Variants in WASF2 observed in about 807,000 individuals in gnomAD.
WASF2 encodes the protein WASP family member 2.
A neutral mutation model predicts 45.0 loss-of-function variants in WASF2; 14 were observed. The ratio of observed to expected loss-of-function variants is 0.31; its 90% CI spans 0.21 to 0.49. The LOEUF is 0.49. Among genes scored for constraint, WASF2 ranks in the 20% least tolerant of loss-of-function variants. WASF2 has a pLI of 0.99. For missense variants in WASF2, 439 were observed against 636.1 expected, an observed-to-expected ratio of 0.69 and a Z score of 3.33; for synonymous variants, 200 against 236.3, an observed-to-expected ratio of 0.85 and a Z score of 1.41.
At chr1:27,433,747 T>G (rs1004755927) in intron 1 of WASF2, among the ~76,000 whole-genome samples, 3 of 152,220 alleles carry the variant, frequency 2.0e-5, no homozygotes, top group Non-Finnish European at 2.9e-5. Context: ...CACCGGCTGC[T>G]CTCTTTAGTT....
intron 1 of WASF2, among the ~76,000 whole-genome samples, chr1:27,479,618 A>G (rs998728728): frequency 3.5e-4 from 53 of 152,256 alleles, no homozygotes; most frequent in Non-Finnish European, 7.5e-4. Flanking sequence ...TAATCCCAGC[A>G]CTTTGGGAGG....
At chr1:27,476,912 CAG>C in intron 1 of WASF2, among the ~76,000 whole-genome samples, 1 of 152,254 alleles carries the variant, frequency 6.6e-6, no homozygotes, top group East Asian at 1.9e-4. Context: ...TAAGGTAATT[CAG>C]TGACAGAAAA....
intron 1 of WASF2, among the ~76,000 whole-genome samples, chr1:27,488,756 A>C (rs1396491559): frequency 6.6e-6 from 1 of 152,166 alleles, no homozygotes; most frequent in Non-Finnish European, 1.5e-5. Context: ...ATTTGTAACA[A>C]GGCAAACTTC....
At chr1:27,432,066 T>A (rs1269806529) in intron 1 of WASF2, among the ~76,000 whole-genome samples, 1 of 152,216 alleles carries the variant, frequency 6.6e-6, no homozygotes, top group African/African-American at 2.4e-5. Context: ...AGGATTGGTT[T>A]GTACAAGAAG....
chr1:27,447,162 TTAAGATA>T (rs146530764), intron 1 of WASF2, among the ~76,000 whole-genome samples: 1,829 of 152,300 alleles, frequency 0.012, 37 homozygotes, highest in African/African-American at 0.041. Flanking sequence ...GAGTATTATT[TTAAGATA>T]TGAGTATTTA....
intron 2 of WASF2, among the ~76,000 whole-genome samples, chr1:27,423,558 C>T (rs2016937101): frequency 6.6e-6 from 1 of 152,122 alleles, no homozygotes; most frequent in Admixed American, 6.6e-5. Flanking sequence ...ATCTATTCTT[C>T]AAGTGCTAAA....
At chr1:27,458,555 G>A (rs934598259) in intron 1 of WASF2, among the ~76,000 whole-genome samples, 1 of 151,992 alleles carries the variant, frequency 6.6e-6, no homozygotes, top group Non-Finnish European at 1.5e-5. Context: ...AGTGCTTTGG[G>A]AGATCAAAGC....
At position 27,428,999 on chromosome 1, in the gene WASF2, A is replaced by G. The variant is rs1428078428; in HGVS notation, c.-43-66T>C. 7 of 1,197,980 alleles carry G rather than the reference A, an allele frequency of 5.8e-6. No individual in the cohort carries two copies. In the Admixed American group the frequency reaches 8.3e-5, roughly 14 times the overall value. The allele number at this position is 1,197,980 out of a possible 1,614,324, so 74.2% of individuals were successfully genotyped here. A position where few individuals can be genotyped will look rare whatever the true frequency, so the allele number is the denominator to read the frequency against. On this transcript the variant is annotated intron_variant, in intron 1 of 8. Transcript: ENST00000618852. ...TTCCAGGCACACTAGGGCTGTGTGA[A>G]TCTTTTTTTTTTTTTTTTTTGGTCT... is the stretch of plus-strand genomic sequence containing the variant.
chr1:27,458,690 T>G (rs1309079727), intron 1 of WASF2, among the ~76,000 whole-genome samples: 1 of 148,476 alleles, frequency 6.7e-6, no homozygotes, highest in Non-Finnish European at 1.5e-5. Context: ...CTGCACGGGG[T>G]GCTGAGGCAG....
At chr1:27,425,796 G>A (rs551323165) in intron 2 of WASF2, among the ~76,000 whole-genome samples, 3 of 124,986 alleles carry the variant, frequency 2.4e-5, no homozygotes, top group South Asian at 2.5e-4. Context: ...CCGAGGTGGC[G>A]CCACTGCACT....
chr1:27,427,259 G>C (rs1043649091), intron 2 of WASF2, among the ~76,000 whole-genome samples: 16 of 152,136 alleles, frequency 1.1e-4, no homozygotes, highest in Non-Finnish European at 2.2e-4. Context: ...ATCACAAGTG[G>C]GAGTGTGAGC....
chr1:27,450,696 T>C (rs926920765), intron 1 of WASF2, among the ~76,000 whole-genome samples: 1 of 151,888 alleles, frequency 6.6e-6, no homozygotes, highest in South Asian at 2.1e-4. Flanking sequence ...ACGGGGTTTC[T>C]CCATGTTGCC....
At chr1:27,460,117 G>C (rs1447934257) in intron 1 of WASF2, among the ~76,000 whole-genome samples, 2 of 152,162 alleles carry the variant, frequency 1.3e-5, no homozygotes, top group African/African-American at 4.8e-5. Context: ...GTTGATGACA[G>C]TAATATTTCT....
intron 1 of WASF2, among the ~76,000 whole-genome samples, chr1:27,431,510 C>T (rs556434703): frequency 7.2e-5 from 11 of 152,270 alleles, no homozygotes; most frequent in Middle Eastern, 3.4e-3. Context: ...ATTTGGTGTA[C>T]AGCCAGGAAT....
chr1:27,433,236 A>G (rs975278091), intron 1 of WASF2, among the ~76,000 whole-genome samples: 1 of 152,164 alleles, frequency 6.6e-6, no homozygotes, highest in South Asian at 2.1e-4. Context: ...AACATATACT[A>G]TCTCTTTCTT....
intron 2 of WASF2, among the ~76,000 whole-genome samples, chr1:27,420,682 C>T (rs1325581502): frequency 2.0e-5 from 3 of 151,778 alleles, no homozygotes; most frequent in Admixed American, 6.6e-5. Flanking sequence ...CCACAACGCC[C>T]GGCTCATTTT....
intron 1 of WASF2, among the ~76,000 whole-genome samples, chr1:27,459,826 A>G (rs1011966769): frequency 3.9e-5 from 6 of 152,214 alleles, no homozygotes; most frequent in African/African-American, 1.4e-4. Context: ...TACATACTGT[A>G]TAAGGAAGCA....
chr1:27,442,990 CAAAAAAAA>C (rs782114128), intron 1 of WASF2, among the ~76,000 whole-genome samples: 13 of 64,242 alleles, frequency 2.0e-4, no homozygotes, highest in African/African-American at 6.2e-4. Flanking sequence ...GACTCTGTCT[CAAAAAAAA>C]AAAAAAAAAA....
intron 1 of WASF2, among the ~76,000 whole-genome samples, chr1:27,480,785 C>T (rs2017836681): frequency 6.6e-6 from 1 of 151,846 alleles, no homozygotes; most frequent in Non-Finnish European, 1.5e-5. Context: ...GAGGCCGAGG[C>T]GGGTGGAGGT....
Sources: gnomAD v4.1 joint callset for allele counts (sites outside exome capture counted in the v4.1 genomes callset) on GRCh38, gnomAD v4.1.1 for gene constraint, MANE v1.5 for transcripts, NCBI Gene and HGNC (gene_info 2026-07-23, HGNC 2026-07-21) for gene names.